TNFRSF10B: variants seen among roughly 807,000 people sequenced by gnomAD.
The protein encoded by TNFRSF10B is tumor necrosis factor receptor superfamily member 10B.
A neutral mutation model predicts 41.4 loss-of-function variants in TNFRSF10B; 35 were observed. The ratio of observed to expected loss-of-function variants is 0.85; its 90% CI spans 0.65 to 1.12. TNFRSF10B has a LOEUF of 1.12. TNFRSF10B is among the 50% of genes most tolerant of loss of function. TNFRSF10B has a pLI of 0.00. For synonymous variants in TNFRSF10B, 230 were observed against 215.5 expected, an observed-to-expected ratio of 1.07 and a Z score of -0.59; for missense variants, 584 against 552.7, an observed-to-expected ratio of 1.06 and a Z score of -0.57.
In TNFRSF10B at chr8:23,027,117, T is replaced by C. The variant is rs373451129; in HGVS notation, c.936+16A>G. Reference sequence around the variant, plus strand: ...AGCAGCATGCCAGGAAACAAAATGATCTGTCCCCCACTCACCAGCAGATGC... The same window carrying C: ...AGCAGCATGCCAGGAAACAAAATGACCTGTCCCCCACTCACCAGCAGATGC... On this transcript the variant is annotated intron_variant, in intron 7 of 8. Transcript: ENST00000276431. The C allele has an allele frequency of 1.9e-6, 3 of 1,613,580 alleles. No individual in the cohort carries two copies. The African/African-American group carries it at 4.0e-5, about 22-fold the overall frequency.
chr8:23,024,480 C>T (rs1811642017), intron 7 of TNFRSF10B, among the ~76,000 whole-genome samples: 1 of 151,908 alleles, frequency 6.6e-6, no homozygotes, highest in Admixed American at 6.6e-5. Flanking sequence ...TTTTAAAACC[C>T]CAAGGTTTAA....
At chr8:23,038,206 A>G (rs1812076096) in intron 2 of TNFRSF10B, among the ~76,000 whole-genome samples, 1 of 152,202 alleles carries the variant, frequency 6.6e-6, no homozygotes, top group African/African-American at 2.4e-5. Flanking sequence ...TCTTAGTATT[A>G]CCATGCCCTG....
intron 1 of TNFRSF10B, among the ~76,000 whole-genome samples, chr8:23,067,668 C>T (rs1170030682): frequency 6.6e-6 from 1 of 152,140 alleles, no homozygotes; most frequent in East Asian, 1.9e-4. Flanking sequence ...AGAGGTGAGA[C>T]CAAGGACATA....
At chr8:23,063,109 G>A (rs893789187) in intron 1 of TNFRSF10B, among the ~76,000 whole-genome samples, 7 of 152,058 alleles carry the variant, frequency 4.6e-5, no homozygotes, top group Admixed American at 2.6e-4. Context: ...AGCACTTTGG[G>A]AGGCCAAGGC....
intron 3 of TNFRSF10B, 81 bp downstream of exon 3, chr8:23,030,678 C>G (rs1309021039): frequency 2.9e-6 from 3 of 1,048,400 alleles, no homozygotes; most frequent in African/African-American, 3.1e-5. Context: ...GAATCTAGGT[C>G]TCCTGATCCC....
Position 23,043,179 on chromosome 8 carries a change from T to C in TNFRSF10B, c.209A>G (p.Gln70Arg), listed in dbSNP as rs774835669. The C allele has an allele frequency of 6.2e-7, 1 of 1,614,102 alleles. No individual in the cohort carries two copies. Among genetic ancestry groups the C allele is most frequent in the African/African-American group, 1.3e-5 (1 of 75,042 alleles). ...CTCTGAGGGGCTGGACCTCTTTTGTTGTGGGGCCGCTCTCTGCTGGGGAGC... is the reference window on the plus strand; with the variant it reads ...CTCTGAGGGGCTGGACCTCTTTTGTCGTGGGGCCGCTCTCTGCTGGGGAGC... Reference protein sequence around the residue: ...DLAPQQRAAPQQKRSSPSEGL... With the variant: ...DLAPQQRAAPRQKRSSPSEGL... Residue 70 changes from glutamine to arginine, a missense_variant, in exon 2 of 9, where the codon CAA (glutamine) becomes CGA (arginine). Coordinates refer to ENST00000276431, the MANE Select transcript of TNFRSF10B (RefSeq NM_003842.5).
intron 7 of TNFRSF10B, among the ~76,000 whole-genome samples, chr8:23,026,266 G>GTTTT (rs3837204): frequency 6.6e-6 from 1 of 151,362 alleles, no homozygotes; most frequent in Non-Finnish European, 1.5e-5. Context: ...ATAAGATCTA[G>GTTTT]TTTTTTTTTG....
chr8:23,047,501 T>A (rs965289646), intron 1 of TNFRSF10B, among the ~76,000 whole-genome samples: 16 of 152,052 alleles, frequency 1.1e-4, no homozygotes, highest in African/African-American at 3.9e-4. Context: ...AATAATTCTA[T>A]TCAAAGAGAA....
At position 23,021,414 on chromosome 8, in the gene TNFRSF10B, A is replaced by G. The variant is rs1470421126; in HGVS notation, c.*1257T>C. ...GCCATCTACTCCTGAGATGGCAACCATTTCACACCATTCTCAAGCACCATC... is the reference window on the plus strand; with the variant it reads ...GCCATCTACTCCTGAGATGGCAACCGTTTCACACCATTCTCAAGCACCATC... On this transcript the variant is annotated 3_prime_UTR_variant, in exon 9 of 9. Transcript: ENST00000276431. 2 of 453,958 alleles carry G rather than the reference A, an allele frequency of 4.4e-6. No homozygotes were observed. Among genetic ancestry groups the G allele is most frequent in the Admixed American group, 2.4e-5 (1 of 42,552 alleles). The allele number at this position is 453,958 out of a possible 1,614,324, so 28.1% of individuals were successfully genotyped here.
intron 5 of TNFRSF10B, 77 bp from the exon 6 acceptor site, chr8:23,027,830 AGGGCTGGGCTGG>A (rs1811755678): frequency 6.3e-7 from 1 of 1,578,272 alleles, no homozygotes; most frequent in East Asian, 2.3e-5. Context: ...AGTGGGGCGC[AGGGCTGGGCTGG>A]GGGCTGGGAC....
intron 1 of TNFRSF10B, among the ~76,000 whole-genome samples, chr8:23,056,167 C>T (rs1812658860): frequency 6.6e-6 from 1 of 152,080 alleles, no homozygotes; most frequent in Middle Eastern, 3.2e-3. Flanking sequence ...GGGTATGTAT[C>T]CAAAAGAACT....
At chr8:23,034,949 T>A (rs1811989064) in intron 2 of TNFRSF10B, among the ~76,000 whole-genome samples, 1 of 152,196 alleles carries the variant, frequency 6.6e-6, no homozygotes, top group Admixed American at 6.5e-5. Flanking sequence ...GTTTCATTGT[T>A]TGAGCAAATC....
At position 23,021,367 on chromosome 8, in the gene TNFRSF10B, CAG is replaced by C. The variant is rs2128810196; in HGVS notation, c.*1302_*1303del. The stretch of plus-strand genomic sequence containing the variant: ...AAGGCAGCTCATGGGCTCAGGGTGA[CAG>C]ATAACCAGAAGTGAGCCGGGCCATC... On this transcript the variant is annotated 3_prime_UTR_variant, in exon 9 of 9. Transcript: ENST00000276431. 1 of 454,122 alleles carries C rather than the reference CAG, an allele frequency of 2.2e-6. No homozygotes were observed. Among genetic ancestry groups the C allele is most frequent in the East Asian group, 6.9e-5 (1 of 14,398 alleles). 28.1% of individuals were successfully genotyped at this position (454,122 alleles called of 1,614,324 possible).
At chr8:23,036,410 G>A (rs1812031178) in intron 2 of TNFRSF10B, among the ~76,000 whole-genome samples, 1 of 152,192 alleles carries the variant, frequency 6.6e-6, no homozygotes. Context: ...TGCACTTATG[G>A]CCTCATGAGG....
chr8:23,068,370 A>C, intron 1 of TNFRSF10B: 1 of 290,806 alleles, frequency 3.4e-6, no homozygotes, highest in Non-Finnish European at 6.6e-6. Context: ...TGAGCGAGGA[A>C]GGAAGGGAGG....
intron 1 of TNFRSF10B, among the ~76,000 whole-genome samples, chr8:23,058,865 A>T (rs144218447): frequency 2.0e-5 from 3 of 152,272 alleles, no homozygotes; most frequent in Non-Finnish European, 2.9e-5. Flanking sequence ...CTGTTTTTTT[A>T]AATCTAAAAC....
chr8:23,027,570 T>A, intron 6 of TNFRSF10B, 152 bp downstream of exon 6: 2 of 1,042,778 alleles, frequency 1.9e-6, no homozygotes, highest in Non-Finnish European at 2.8e-6. Flanking sequence ...AAAATGGCCA[T>A]GTGTCCCCCA....
chr8:23,032,172 T>C (rs1348454736), intron 2 of TNFRSF10B, among the ~76,000 whole-genome samples: 5 of 152,178 alleles, frequency 3.3e-5, no homozygotes, highest in African/African-American at 4.8e-5. Context: ...TTTCAAGTGA[T>C]TGGCAATCAC....
intron 2 of TNFRSF10B, among the ~76,000 whole-genome samples, chr8:23,033,380 C>CGA (rs1413552561): frequency 6.6e-6 from 1 of 151,722 alleles, no homozygotes; most frequent in Non-Finnish European, 1.5e-5. Context: ...GTCAGGAGAT[C>CGA]GAGACCATCC....
Sources: allele counts gnomAD v4.1 joint callset (sites outside exome capture counted in the v4.1 genomes callset), GRCh38; gene constraint gnomAD v4.1.1; transcripts MANE v1.5; gene names NCBI Gene and HGNC (gene_info 2026-07-23, HGNC 2026-07-21).